REPS1: variants seen among roughly 807,000 people sequenced by gnomAD.
REPS1 encodes the protein ralBP1-associated Eps domain-containing protein 1.
A neutral mutation model predicts 100.9 loss-of-function variants in REPS1; 39 were observed. That is an observed-to-expected ratio of 0.39 (90% CI 0.30 to 0.50). The LOEUF is 0.50. Among genes scored for constraint, REPS1 ranks in the 20% least tolerant of loss-of-function variants. The pLI is 0.86. For missense variants in REPS1, 821 were observed against 968.5 expected (o/e 0.85, Z 2.02); for synonymous variants, 324 against 340.3 (o/e 0.95, Z 0.53).
At chr6:138,953,305 CTCAAAAGCATAGGCA>C (rs1783161538) in intron 1 of REPS1, among the ~76,000 whole-genome samples, 1 of 151,968 alleles carries the variant, frequency 6.6e-6, no homozygotes, top group African/African-American at 2.4e-5. Context: ...TAAATAAGAT[CTCAAAAGCATAGGCA>C]ACAAAAGCAA....
At chr6:138,955,457 AGTGTG>A (rs1290261774) in intron 1 of REPS1, among the ~76,000 whole-genome samples, 9 of 90,734 alleles carry the variant, frequency 9.9e-5, no homozygotes, top group Middle Eastern at 7.4e-3. Flanking sequence ...AAAAAAAAAA[AGTGTG>A]TGTGTGTGTG....
At chr6:138,909,778 C>G (rs979182691) in intron 17 of REPS1, among the ~76,000 whole-genome samples, 5 of 145,486 alleles carry the variant, frequency 3.4e-5, no homozygotes, top group Admixed American at 7.2e-5. Flanking sequence ...CCCAGCCATG[C>G]AGAGCTGTGA....
chr6:138,961,061 T>C (rs1312507000), intron 1 of REPS1, among the ~76,000 whole-genome samples: 1 of 152,174 alleles, frequency 6.6e-6, no homozygotes, highest in Non-Finnish European at 1.5e-5. Context: ...AGCTATTCTT[T>C]CAAGAAAAAT....
At chr6:138,970,366 T>A (rs980739719) in intron 1 of REPS1, among the ~76,000 whole-genome samples, 2 of 148,786 alleles carry the variant, frequency 1.3e-5, no homozygotes, top group African/African-American at 5.0e-5. Flanking sequence ...AGAGACAATA[T>A]CCACCAAGAA....
At chr6:138,925,861 C>T (rs1781083712) in intron 10 of REPS1, among the ~76,000 whole-genome samples, 1 of 152,136 alleles carries the variant, frequency 6.6e-6, no homozygotes, top group Admixed American at 6.5e-5. Flanking sequence ...CAGTAAGCCA[C>T]AAGAAGACAA....
intron 10 of REPS1, among the ~76,000 whole-genome samples, chr6:138,923,395 C>T (rs1294054212): frequency 1.3e-5 from 2 of 152,028 alleles, no homozygotes; most frequent in African/African-American, 2.4e-5. Flanking sequence ...AAAAGAAAAA[C>T]TTCTTAGATG....
At chr6:138,966,906 T>C (rs1784055959) in intron 1 of REPS1, among the ~76,000 whole-genome samples, 1 of 152,250 alleles carries the variant, frequency 6.6e-6, no homozygotes, top group Non-Finnish European at 1.5e-5. Context: ...TGAAAACATC[T>C]GCTATGGTTT....
chr6:138,987,507 C>T, intron 1 of REPS1, 23 bp downstream of exon 1: 2 of 1,542,642 alleles, frequency 1.3e-6, no homozygotes, highest in Non-Finnish European at 1.7e-6. Flanking sequence ...AAGCCGCCCG[C>T]CGGCCCCGGG....
At chr6:138,922,717 T>C (rs1582736808) in intron 10 of REPS1, among the ~76,000 whole-genome samples, 1 of 152,302 alleles carries the variant, frequency 6.6e-6, no homozygotes, top group East Asian at 1.9e-4. Flanking sequence ...TCACACTCTG[T>C]ATATGCGGCC....
chr6:138,933,255 A>G (rs1781593243), intron 8 of REPS1, among the ~76,000 whole-genome samples: 2 of 152,206 alleles, frequency 1.3e-5, no homozygotes, highest in Non-Finnish European at 2.9e-5. Flanking sequence ...CTTTTTCTAT[A>G]TTAGGCCAGA....
chr6:138,947,991 T>C, intron 1 of REPS1, 78 bp from the exon 2 acceptor site: 2 of 1,313,666 alleles, frequency 1.5e-6, no homozygotes, highest in East Asian at 2.5e-5. Context: ...CCCAACTTGT[T>C]TGTAACGTCT....
chr6:138,955,440 TAAA>T (rs71645327), intron 1 of REPS1, among the ~76,000 whole-genome samples: 3 of 97,528 alleles, frequency 3.1e-5, no homozygotes, highest in South Asian at 4.6e-4. Context: ...CCTGTCTCTT[TAAA>T]AAAAAAAAAA....
intron 13 of REPS1, chr6:138,916,218 C>CT (rs10582137): frequency 0.054 from 11,151 of 206,188 alleles, 131 homozygotes; most frequent in South Asian, 0.079. Context: ...TTCTTTTTTT[C>CT]TTTTTTTTTT....
At chr6:138,950,310 C>T (rs922881956) in intron 1 of REPS1, among the ~76,000 whole-genome samples, 8 of 151,580 alleles carry the variant, frequency 5.3e-5, no homozygotes, top group Non-Finnish European at 7.4e-5. Flanking sequence ...CTCATCTATA[C>T]GAAAAAAAAT....
chr6:138,927,476 T>G (rs1309212547), intron 9 of REPS1: 1 of 152,194 alleles, frequency 6.6e-6, no homozygotes, highest in Non-Finnish European at 1.5e-5. Flanking sequence ...GGAAAAAACA[T>G]CTACACACAT....
In REPS1 at chr6:138,930,647, C is replaced by T. The variant is rs532990329; in HGVS notation, c.1136-549G>A. Among the ~76,000 whole-genome samples the T allele has an allele frequency of 3.9e-5, 6 of 151,974 alleles. No homozygotes were observed. In the South Asian group the frequency reaches 1.3e-3, roughly 32 times the overall value. On this transcript the variant is annotated intron_variant, in intron 8 of 19. Transcript: ENST00000450536. Reference sequence around the variant, plus strand: ...TCATCAAATAAAATCCTTCAGTATTCCCTTGGAATATACTTTGGGAACTGC... The same window carrying T: ...TCATCAAATAAAATCCTTCAGTATTTCCTTGGAATATACTTTGGGAACTGC...
rs763037784 is a variant in REPS1 at position 138,944,673 on chromosome 6, A to C, written c.629-51T>G. 4 of 1,561,036 alleles carry C rather than the reference A, an allele frequency of 2.6e-6. No homozygotes were observed. In the Admixed American group the frequency reaches 7.9e-5, roughly 31 times the overall value. Reference sequence around the variant, plus strand: ...TGACTCATGTTTGAGGAAAAAAGTTACTAGGAAGTTTTCTTTCCAACTCTT... The same window carrying C: ...TGACTCATGTTTGAGGAAAAAAGTTCCTAGGAAGTTTTCTTTCCAACTCTT... On this transcript the variant is annotated intron_variant, in intron 4 of 19. Coordinates refer to ENST00000450536, the MANE Select transcript of REPS1 (RefSeq NM_001286611.2).
intron 9 of REPS1, chr6:138,929,188 A>C (rs988333555): frequency 6.6e-6 from 1 of 152,234 alleles, no homozygotes; most frequent in African/African-American, 2.4e-5. Flanking sequence ...TAACTTGTTC[A>C]CAAAGAAAAC....
chr6:138,932,112 C>A (rs960156529), intron 8 of REPS1, among the ~76,000 whole-genome samples: 5 of 152,158 alleles, frequency 3.3e-5, no homozygotes, highest in African/African-American at 1.2e-4. Flanking sequence ...CTGTACCACA[C>A]CCCCACCTCA....
Sources: gnomAD v4.1 joint callset for allele counts (sites outside exome capture counted in the v4.1 genomes callset) on GRCh38, gnomAD v4.1.1 for gene constraint, MANE v1.5 for transcripts, NCBI Gene and HGNC (gene_info 2026-07-23, HGNC 2026-07-21) for gene names.